The following CNTN4 variants were observed in gnomAD, a reference collection of about 807,000 sequenced individuals.
The protein encoded by CNTN4 is contactin-4.
A neutral mutation model predicts 122.5 loss-of-function variants in CNTN4; 77 were observed. The observed-to-expected ratio is 0.63, with a 90% confidence interval of 0.52 to 0.76. The LOEUF is 0.76. Ranked by LOEUF, CNTN4 falls within the 30% of genes least tolerant of loss-of-function variation. The pLI is 0.00. For missense variants in CNTN4, 1,256 were observed against 1,259.1 expected (o/e 1.00, Z 0.04); for synonymous variants, 512 against 447.0 (o/e 1.15, Z -1.83).
At chr3:3,031,801 A>C (rs1175307715) in intron 16 of CNTN4, among the ~76,000 whole-genome samples, 2 of 152,224 alleles carry the variant, frequency 1.3e-5, no homozygotes, top group Admixed American at 6.5e-5. Context: ...TATCTTAGCT[A>C]GAATCTCCTT....
Position 2,768,514 on chromosome 3 carries a change from G to A in CNTN4, c.358+22817G>A, listed in dbSNP as rs1181302443. On this transcript the variant is annotated intron_variant, in intron 6 of 24. Coordinates refer to ENST00000418658, the MANE Select transcript of CNTN4 (RefSeq NM_175607.3). ...AGTCTTGTTCAGCTTGCTGTAGAGAGCTTGTGATTTAAACATGGTGGACCA... is the reference window on the plus strand; with the variant it reads ...AGTCTTGTTCAGCTTGCTGTAGAGAACTTGTGATTTAAACATGGTGGACCA... 2.0e-5 allele frequency among the ~76,000 whole-genome samples: 3 copies of A among 152,156 alleles called. No homozygotes were observed. In the South Asian group the frequency reaches 6.2e-4, roughly 32 times the overall value.
At chr3:2,955,042 C>T (rs937931065) in intron 13 of CNTN4, among the ~76,000 whole-genome samples, 11 of 152,080 alleles carry the variant, frequency 7.2e-5, no homozygotes, top group Admixed American at 5.2e-4. Flanking sequence ...TATCTGGCAG[C>T]GCAACCTCAT....
chr3:2,368,015 C>T (rs1056400693), intron 3 of CNTN4, among the ~76,000 whole-genome samples: 2 of 148,192 alleles, frequency 1.3e-5, no homozygotes, highest in Non-Finnish European at 3.0e-5. Flanking sequence ...TATCCAAATA[C>T]AGCTAGAAAA....
In CNTN4 at chr3:2,949,354, A is replaced by C. The variant is rs542880951; in HGVS notation, c.1358+23575A>C. 2.8e-3 allele frequency among the ~76,000 whole-genome samples: 427 copies of C among 152,340 alleles called. 4 individuals carry two copies. The highest frequency in any genetic ancestry group is 9.8e-3 in the African/African-American group (406 of 41,586). Reference sequence around the variant, plus strand: ...ATTCATAGATGAAATAATATCAGAAAGAATACAGATATTATGAAGTTTGTT... The same window carrying C: ...ATTCATAGATGAAATAATATCAGAACGAATACAGATATTATGAAGTTTGTT... On this transcript the variant is annotated intron_variant, in intron 13 of 24. Coordinates refer to ENST00000418658, the MANE Select transcript of CNTN4 (RefSeq NM_175607.3).
chr3:2,185,985 G>C (rs2037235611), intron 2 of CNTN4, among the ~76,000 whole-genome samples: 1 of 151,768 alleles, frequency 6.6e-6, no homozygotes, highest in South Asian at 2.1e-4. Context: ...CAACGTGCAG[G>C]TTTATTACAT....
At chr3:2,825,999 T>C (rs1038238604) in intron 7 of CNTN4, among the ~76,000 whole-genome samples, 1 of 152,206 alleles carries the variant, frequency 6.6e-6, no homozygotes, top group African/African-American at 2.4e-5. Context: ...CTTTAATTTA[T>C]ATTATATTAT....
chr3:2,874,885 G>A (rs1226632093), intron 8 of CNTN4, among the ~76,000 whole-genome samples: 4 of 152,140 alleles, frequency 2.6e-5, no homozygotes, highest in Non-Finnish European at 5.9e-5. Flanking sequence ...GCCTGTTTCT[G>A]TAAATAATTT....
chr3:2,841,817 G>A lies in CNTN4; in HGVS notation c.454+22236G>A, dbSNP rs2093367145. Among the ~76,000 whole-genome samples the A allele has an allele frequency of 6.6e-6, 1 of 150,690 alleles. No homozygotes were observed. The highest frequency in any genetic ancestry group is 2.5e-5 in the African/African-American group (1 of 40,052). On this transcript the variant is annotated intron_variant, in intron 7 of 24. Coordinates refer to ENST00000418658, the MANE Select transcript of CNTN4 (RefSeq NM_175607.3). This position sits in a 1 kb window ranked among gnomAD's most constrained non-coding sequence, Gnocchi z 4.8. ...CCACAAATATTAAACGTTTCACCAG[G>A]GAAATGGCTGGTAAGAGATTTAGTC...
chr3:2,230,179 C>T (rs538588092), intron 2 of CNTN4, among the ~76,000 whole-genome samples: 2 of 152,330 alleles, frequency 1.3e-5, no homozygotes, highest in Non-Finnish European at 2.9e-5. Context: ...GCATTGACAG[C>T]ACAGGTGTGG....
chr3:2,304,031 G>A (rs1197713394), intron 2 of CNTN4, among the ~76,000 whole-genome samples: 1 of 152,080 alleles, frequency 6.6e-6, no homozygotes, highest in Non-Finnish European at 1.5e-5. Context: ...GTAAATCTAG[G>A]TTACATATAA....
At chr3:2,928,312 C>T (rs1464889574) in intron 13 of CNTN4, among the ~76,000 whole-genome samples, 2 of 152,022 alleles carry the variant, frequency 1.3e-5, no homozygotes, top group African/African-American at 4.8e-5. Context: ...AATGGGTGAA[C>T]AATAAGAAAG....
At position 2,745,635 on chromosome 3, in the gene CNTN4, A is replaced by C; in HGVS notation, c.296A>C (p.Gln99Pro). The C allele has an allele frequency of 6.2e-7, 1 of 1,614,150 alleles. No individual in the cohort carries two copies. The highest frequency in any genetic ancestry group is 8.5e-7 in the Non-Finnish European group (1 of 1,179,970). ...AAAACCCAAGATGCTGGAACGTACC[A>C]GTGCACAGCGACAAACTCGTTTGGA... ...PNKTQDAGTYQCTATNSFGTI... is the reference protein window; with the variant it reads ...PNKTQDAGTYPCTATNSFGTI... The change falls in exon 6 of 25, where the codon CAG becomes CCG. Residue 99 changes from glutamine to proline, a missense_variant. Transcript: ENST00000418658.
At chr3:2,967,405 G>C (rs538863371) in intron 13 of CNTN4, among the ~76,000 whole-genome samples, 1 of 152,222 alleles carries the variant, frequency 6.6e-6, no homozygotes, top group East Asian at 1.9e-4. Flanking sequence ...CTGGCCTCAC[G>C]ACTCCTAAAC....
chr3:2,826,421 A>G (rs1455084639), intron 7 of CNTN4, among the ~76,000 whole-genome samples: 1 of 152,220 alleles, frequency 6.6e-6, no homozygotes, highest in East Asian at 1.9e-4. Context: ...CATACAGATT[A>G]TAACCACAGC....
At chr3:2,706,180 T>C (rs1371393568) in intron 4 of CNTN4, among the ~76,000 whole-genome samples, 1 of 151,400 alleles carries the variant, frequency 6.6e-6, no homozygotes, top group African/African-American at 2.4e-5. Flanking sequence ...CTTTATAGAA[T>C]AGGGGGAAAA....
At chr3:2,683,956 A>G (rs972663456) in intron 4 of CNTN4, among the ~76,000 whole-genome samples, 1 of 152,164 alleles carries the variant, frequency 6.6e-6, no homozygotes, top group Non-Finnish European at 1.5e-5. Flanking sequence ...CCCCATGATG[A>G]GTCTTAAGCC....
At chr3:2,551,330 G>A (rs1559224369) in intron 3 of CNTN4, among the ~76,000 whole-genome samples, 1 of 152,088 alleles carries the variant, frequency 6.6e-6, no homozygotes, top group Non-Finnish European at 1.5e-5. Flanking sequence ...TTATATGAAT[G>A]TCAGGAGAAG....
At chr3:2,172,006 A>G (rs1356860738) in intron 2 of CNTN4, among the ~76,000 whole-genome samples, 8 of 152,194 alleles carry the variant, frequency 5.3e-5, no homozygotes, top group African/African-American at 1.9e-4. Flanking sequence ...TCAATCAGCA[A>G]GCACTCCAGG....
chr3:2,632,169 G>T (rs1482923609), intron 4 of CNTN4, among the ~76,000 whole-genome samples: 1 of 152,086 alleles, frequency 6.6e-6, no homozygotes, highest in African/African-American at 2.4e-5. Context: ...GACAGAGACT[G>T]TATTTTTCTA....
Sources: gnomAD v4.1 joint callset for allele counts (sites outside exome capture counted in the v4.1 genomes callset) on GRCh38, gnomAD v4.1.1 for gene constraint, Gnocchi (gnomAD v3.1) non-coding constraint, MANE v1.5 for transcripts, NCBI Gene and HGNC (gene_info 2026-07-23, HGNC 2026-07-21) for gene names.